Variants in MAGI1 observed in about 807,000 individuals in gnomAD.
The protein encoded by MAGI1 is membrane-associated guanylate kinase, WW and PDZ domain-containing protein 1.
MAGI1 carries 58 observed loss-of-function variants against 139.9 expected under a neutral mutation model. The observed-to-expected ratio is 0.41, with a 90% confidence interval of 0.34 to 0.52. The LOEUF (loss-of-function observed/expected upper bound fraction) is 0.52. MAGI1 is among the 20% of genes least tolerant of loss of function. The pLI is 0.12. For synonymous variants in MAGI1, 812 were observed against 737.9 expected (o/e 1.10, Z -1.63); for missense variants, 1,874 against 1,901.6 (o/e 0.99, Z 0.27).
At chr3:65,884,531 C>T (rs2060458065) in intron 1 of MAGI1, among the ~76,000 whole-genome samples, 3 of 152,192 alleles carry the variant, frequency 2.0e-5, no homozygotes, top group African/African-American at 4.8e-5. Context: ...CATTTTCTAA[C>T]TACTAAAATA....
At chr3:65,489,834 T>A (rs571344879) in intron 3 of MAGI1, among the ~76,000 whole-genome samples, 1 of 152,348 alleles carries the variant, frequency 6.6e-6, no homozygotes, top group South Asian at 2.1e-4. Flanking sequence ...GGGAAACAAG[T>A]AGGACTTAGC....
At chr3:65,703,235 C>A (rs2089738589) in intron 1 of MAGI1, among the ~76,000 whole-genome samples, 1 of 152,168 alleles carries the variant, frequency 6.6e-6, no homozygotes, top group Admixed American at 6.5e-5. Flanking sequence ...TGCTCCAATG[C>A]CCAGTGAGTT....
intron 2 of MAGI1, among the ~76,000 whole-genome samples, chr3:65,494,981 G>T (rs962593070): frequency 6.6e-6 from 1 of 152,220 alleles, no homozygotes; most frequent in African/African-American, 2.4e-5. Context: ...CAGCATGCTA[G>T]AACCTTCAGG....
At chr3:65,579,504 G>C (rs887293075) in intron 2 of MAGI1, among the ~76,000 whole-genome samples, 3 of 152,176 alleles carry the variant, frequency 2.0e-5, no homozygotes, top group Non-Finnish European at 2.9e-5. Context: ...TAGACCCTCT[G>C]AGACAACTGT....
chr3:66,017,398 C>T (rs2107533574), intron 1 of MAGI1, among the ~76,000 whole-genome samples: 1 of 152,354 alleles, frequency 6.6e-6, no homozygotes, highest in East Asian at 1.9e-4. Context: ...AGGAAGGGTG[C>T]CTGGCCTCAG....
At chr3:65,379,828 C>T (rs1407451459) in intron 16 of MAGI1, among the ~76,000 whole-genome samples, 1 of 152,108 alleles carries the variant, frequency 6.6e-6, no homozygotes, top group Non-Finnish European at 1.5e-5. Flanking sequence ...TGTCGACATC[C>T]ACACTCAGAA....
chr3:65,954,200 T>C (rs2064001605), intron 1 of MAGI1, among the ~76,000 whole-genome samples: 1 of 152,160 alleles, frequency 6.6e-6, no homozygotes, highest in Non-Finnish European at 1.5e-5. Flanking sequence ...AGAAAATATT[T>C]TCAAGATTTT....
At chr3:65,827,486 T>C (rs2042290870) in intron 1 of MAGI1, among the ~76,000 whole-genome samples, 1 of 152,232 alleles carries the variant, frequency 6.6e-6, no homozygotes, top group Non-Finnish European at 1.5e-5. Flanking sequence ...AATGACATAA[T>C]GCCAAAGTCA....
At chr3:65,481,058 T>A (rs1406332753) in intron 3 of MAGI1, among the ~76,000 whole-genome samples, 1 of 152,140 alleles carries the variant, frequency 6.6e-6, no homozygotes, top group Non-Finnish European at 1.5e-5. Flanking sequence ...TGAAAGAGCA[T>A]CACGTTCAAA....
At chr3:65,670,141 C>G (rs1382847365) in intron 1 of MAGI1, among the ~76,000 whole-genome samples, 3 of 152,052 alleles carry the variant, frequency 2.0e-5, no homozygotes, top group African/African-American at 7.2e-5. Context: ...AAACTGATGT[C>G]TCATCATTCT....
chr3:65,777,032 T>C (rs183432230), intron 1 of MAGI1, among the ~76,000 whole-genome samples: 36 of 152,248 alleles, frequency 2.4e-4, no homozygotes, highest in African/African-American at 4.6e-4. Context: ...ACCTGGAACA[T>C]AGCAGATGCC....
At chr3:65,555,792 G>A (rs1256394139) in intron 2 of MAGI1, among the ~76,000 whole-genome samples, 1 of 152,146 alleles carries the variant, frequency 6.6e-6, no homozygotes, top group African/African-American at 2.4e-5. Context: ...CAGAGGTTGA[G>A]GCTACAGTGA....
At chr3:65,856,885 A>G (rs1559948185) in intron 1 of MAGI1, among the ~76,000 whole-genome samples, 1 of 152,206 alleles carries the variant, frequency 6.6e-6, no homozygotes, top group East Asian at 1.9e-4. Context: ...GCCTAACGGA[A>G]GGGGAACTCA....
chr3:65,526,717 A>T (rs929557473), intron 2 of MAGI1, among the ~76,000 whole-genome samples: 1 of 152,210 alleles, frequency 6.6e-6, no homozygotes, highest in African/African-American at 2.4e-5. Flanking sequence ...GGGGATTTCT[A>T]GGCTACCTTT....
At chr3:65,844,575 C>T (rs145404893) in intron 1 of MAGI1, 237 of 187,790 alleles carry the variant, frequency 1.3e-3, no homozygotes, top group African/African-American at 5.3e-3. Flanking sequence ...AAGAACTCCA[C>T]TTAACTTCAA....
chr3:65,532,495 A>T (rs1396213837), intron 2 of MAGI1, among the ~76,000 whole-genome samples: 1 of 152,224 alleles, frequency 6.6e-6, no homozygotes, highest in African/African-American at 2.4e-5. Flanking sequence ...ATTACATTCT[A>T]TCAATGGGAT....
At chr3:65,414,978 G>A (rs1488224603) in intron 12 of MAGI1, among the ~76,000 whole-genome samples, 2 of 139,890 alleles carry the variant, frequency 1.4e-5, no homozygotes, top group Non-Finnish European at 3.0e-5. Context: ...GTGGTGAGCC[G>A]AGATCATGCC....
At chr3:65,485,720 A>C (rs1467617915) in intron 3 of MAGI1, among the ~76,000 whole-genome samples, 1 of 152,196 alleles carries the variant, frequency 6.6e-6, no homozygotes, top group African/African-American at 2.4e-5. Flanking sequence ...ATATTCACTT[A>C]CTCTAATCTT....
intron 2 of MAGI1, among the ~76,000 whole-genome samples, chr3:65,499,414 C>G (rs1006257974): frequency 1.3e-5 from 2 of 152,128 alleles, no homozygotes; most frequent in Non-Finnish European, 2.9e-5. Context: ...CTTTGGGAGG[C>G]CGAGGTGGCC....
Sources: gnomAD v4.1 joint callset for allele counts (sites outside exome capture counted in the v4.1 genomes callset) on GRCh38, gnomAD v4.1.1 for gene constraint, MANE v1.5 for transcripts, NCBI Gene and HGNC (gene_info 2026-07-23, HGNC 2026-07-21) for gene names.